Variants in SPINK5 observed in about 807,000 individuals in gnomAD.
SPINK5 encodes the protein serine protease inhibitor Kazal-type 5.
A neutral mutation model predicts 151.8 loss-of-function variants in SPINK5; 125 were observed. That is an observed-to-expected ratio of 0.82 (90% CI 0.71 to 0.96). SPINK5 has a LOEUF of 0.96. SPINK5 is among the 40% of genes least tolerant of loss of function. The probability of loss-of-function intolerance (pLI) is 0.00; values close to 1 mark genes in which losing one functional copy is unlikely to be tolerated. For synonymous variants in SPINK5, 374 were observed against 395.3 expected, an observed-to-expected ratio of 0.95 and a Z score of 0.64; for missense variants, 1,194 against 1,291.9, an observed-to-expected ratio of 0.92 and a Z score of 1.16.
At chr5:148,099,351 C>CTATAA (rs761282261) in intron 12 of SPINK5, 36 bp downstream of exon 12, 2 of 1,587,438 alleles carry the variant, frequency 1.3e-6, no homozygotes, top group East Asian at 4.5e-5. Context: ...CTATTTGGTG[C>CTATAA]TATAATTTGA....
At chr5:148,117,689 T>G (rs1754131961) in intron 22 of SPINK5, among the ~76,000 whole-genome samples, 1 of 152,004 alleles carries the variant, frequency 6.6e-6, no homozygotes, top group African/African-American at 2.4e-5. Flanking sequence ...TCAACCAAAC[T>G]TAGATAAAAA....
chr5:148,120,368 G>A lies in SPINK5; in HGVS notation c.2515G>A (p.Gly839Arg). 6.3e-7 allele frequency: 1 copy of A among 1,599,662 alleles called. No homozygotes were observed. The highest frequency in any genetic ancestry group is 1.1e-5 in the South Asian group (1 of 88,974). The change falls in exon 26 of 33, where the codon GGA becomes AGA. Residue 839 changes from glycine (G) to arginine (R), a missense_variant. Transcript: ENST00000256084. ...CAATACAGGAGAAAGGAGCAATACA[G>A]GAGAAAGGAGCAATGACAAAGAGGT... ...RSNTGERSNT[G>R]ERSNDKEDLC...
At chr5:148,123,462 T>TATCTATATA (rs1480587727) in intron 26 of SPINK5, among the ~76,000 whole-genome samples, 34 of 138,588 alleles carry the variant, frequency 2.5e-4, no homozygotes, top group South Asian at 4.4e-4. Context: ...TATAATCTTG[T>TATCTATATA]TATATATATG....
At chr5:148,097,838 ATC>A in intron 10 of SPINK5, 27 bp from the exon 11 acceptor site, 3 of 1,584,098 alleles carry the variant, frequency 1.9e-6, no homozygotes. Flanking sequence ...ACAGAACTAT[ATC>A]TCAACTTTTT....
rs192477166 is a variant in SPINK5 at position 148,116,335 on chromosome 5, C to T, written c.2016-35C>T. ...AGAAATGCACACCACTCTCTGTAAT[C>T]TATTGTTCCCTACCTCCCACTTTCT... On this transcript the variant is annotated intron_variant, in intron 21 of 32. Transcript: ENST00000256084. The T allele has an allele frequency of 2.4e-5, 38 of 1,603,914 alleles. No homozygotes were observed. The Admixed American group carries it at 6.3e-4, about 27-fold the overall frequency.
In SPINK5 at chr5:148,094,409, G is replaced by T; in HGVS notation, c.722G>T (p.Arg241Leu). Residue 241 changes from arginine (R) to leucine (L), a missense_variant, in exon 9 of 33, where the codon CGG becomes CTG. Arg to Leu is a moderately radical substitution (Grantham distance 102). Transcript: ENST00000256084. ...QVRNGRLFCT[R>L]ESDPVRGPDG... The stretch of plus-strand genomic sequence containing the variant: ...AGAAATGGAAGGCTTTTTTGTACAC[G>T]GGAGAGTGATCCAGTCCGTGGCCCT... 1 of 1,612,804 alleles carries T rather than the reference G, an allele frequency of 6.2e-7. No homozygotes were observed. The highest frequency in any genetic ancestry group is 1.1e-5 in the South Asian group (1 of 91,068).
chr5:148,094,607 C>T (rs1279702403), intron 9 of SPINK5, 126 bp downstream of exon 9: 1 of 1,488,646 alleles, frequency 6.7e-7, no homozygotes, highest in East Asian at 2.4e-5. Flanking sequence ...AGTTTTATGC[C>T]CTCCACAAAT....
At chr5:148,126,906 T>C (rs1433190344) in intron 29 of SPINK5, 77 bp from the exon 30 acceptor site, 2 of 1,266,008 alleles carry the variant, frequency 1.6e-6, no homozygotes, top group South Asian at 2.6e-5. Context: ...TCACATTTTA[T>C]GAGGATTGCT....
chr5:148,130,590 A>G (rs1439453193), intron 30 of SPINK5, among the ~76,000 whole-genome samples: 1 of 152,156 alleles, frequency 6.6e-6, no homozygotes, highest in Admixed American at 6.5e-5. Flanking sequence ...AAGAGCAAAT[A>G]TGTTTCTTCT....
In SPINK5 at chr5:148,069,196, A is replaced by G. The variant is rs183596454; in HGVS notation, c.82-1127A>G. Reference sequence around the variant, plus strand: ...AGGTAGCAGAAATGCACCATATTTTAAGCTCCTAAAAAAGAATGAGTGATG... The same window carrying G: ...AGGTAGCAGAAATGCACCATATTTTGAGCTCCTAAAAAAGAATGAGTGATG... On this transcript the variant is annotated intron_variant, in intron 2 of 32. Coordinates refer to ENST00000256084, the MANE Select transcript of SPINK5 (RefSeq NM_006846.4). Among the ~76,000 whole-genome samples, 60 of 152,084 alleles carry G rather than the reference A, an allele frequency of 3.9e-4. 1 individual carries two copies. In the East Asian group the frequency reaches 0.011, roughly 29 times the overall value.
intron 32 of SPINK5, among the ~76,000 whole-genome samples, chr5:148,136,313 C>T (rs182309996): frequency 5.9e-5 from 9 of 151,840 alleles, no homozygotes; most frequent in South Asian, 2.1e-4. Context: ...TCAGGAAAAC[C>T]GAAGCTTGCT....
rs772170188 is a variant in SPINK5 at position 148,125,809 on chromosome 5, A to G, written c.2826A>G (p.Gly942=). The G allele has an allele frequency of 1.2e-6, 2 of 1,614,226 alleles. No individual in the cohort carries two copies. Among genetic ancestry groups the G allele is most frequent in the South Asian group, 2.2e-5 (2 of 91,086 alleles). The part of the protein sequence containing the change: ...RENDPVHGAD[G]KFYTNKCYMC... ...ATGACCCAGTGCACGGTGCTGATGGAAAGTTCTATACAAACAAGTGCTACA... is the reference window on the plus strand; with the variant it reads ...ATGACCCAGTGCACGGTGCTGATGGGAAGTTCTATACAAACAAGTGCTACA... Residue 942 remains glycine, a synonymous_variant, in exon 29 of 33, where the codon GGA becomes GGG. Coordinates refer to ENST00000256084, the MANE Select transcript of SPINK5 (RefSeq NM_006846.4).
chr5:148,111,969 T>C lies in SPINK5; in HGVS notation c.1820+74T>C, dbSNP rs2287768. On this transcript the variant is annotated intron_variant, in intron 19 of 32. Transcript: ENST00000256084. Reference sequence around the variant, plus strand: ...CATCGGGTGGGCAAGAGGGGTGACATTGGAAGTTTTCTCCAGGAGATAGAT... The same window carrying C: ...CATCGGGTGGGCAAGAGGGGTGACACTGGAAGTTTTCTCCAGGAGATAGAT... 0.2 allele frequency: 318,397 copies of C among 1,609,186 alleles called. 33,473 individuals are homozygous for C. Among genetic ancestry groups the C allele is most frequent in the East Asian group, 0.3 (13,285 of 44,780 alleles).
In SPINK5 at chr5:148,114,468, G is replaced by A. The variant is rs762476510; in HGVS notation, c.1994G>A (p.Cys665Tyr). The stretch of plus-strand genomic sequence containing the variant: ...GATGGCAAGACCCATGGCAACAAGT[G>A]TGCCATGTGTAAGGCAGTCTTGTGA... The part of the protein sequence containing the change: ...GPDGKTHGNK[C>Y]AMCKAVFQKE... The change falls in exon 21 of 33, where the codon TGT becomes TAT. Residue 665 changes from cysteine to tyrosine, a missense_variant. By Grantham distance (194) the Cys-to-Tyr change is radical. Coordinates refer to ENST00000256084, the MANE Select transcript of SPINK5 (RefSeq NM_006846.4). The A allele has an allele frequency of 6.8e-6, 11 of 1,613,486 alleles. No homozygotes were observed. In the East Asian group the frequency reaches 1.8e-4, roughly 26 times the overall value.
chr5:148,075,289 G>C (rs1752848987), intron 4 of SPINK5, among the ~76,000 whole-genome samples: 1 of 151,340 alleles, frequency 6.6e-6, no homozygotes, highest in South Asian at 2.1e-4. Flanking sequence ...AATATGTGTT[G>C]CTTATTATTA....
chr5:148,088,179 T>C (rs1178626669), intron 5 of SPINK5, among the ~76,000 whole-genome samples: 5 of 151,822 alleles, frequency 3.3e-5, no homozygotes, highest in Admixed American at 2.6e-4. Flanking sequence ...TAATACAAAT[T>C]TGACTTTGTT....
intron 17 of SPINK5, among the ~76,000 whole-genome samples, chr5:148,107,588 T>C (rs1455955089): frequency 6.6e-6 from 1 of 152,192 alleles, no homozygotes; most frequent in Non-Finnish European, 1.5e-5. Flanking sequence ...ACTATTAAAA[T>C]AGCCTGAACA....
intron 3 of SPINK5, 79 bp from the exon 4 acceptor site, chr5:148,072,069 T>G (rs1752752902): frequency 5.7e-6 from 8 of 1,403,200 alleles, no homozygotes; most frequent in South Asian, 4.7e-5. Context: ...CAGTTAAAAT[T>G]AAGTTTACCA....
intron 15 of SPINK5, among the ~76,000 whole-genome samples, chr5:148,102,660 G>A (rs940127760): frequency 6.6e-6 from 1 of 152,054 alleles, no homozygotes; most frequent in African/African-American, 2.4e-5. Context: ...AACATTATCA[G>A]ATGAAATAGG....
Sources: gnomAD v4.1 joint callset for allele counts (sites outside exome capture counted in the v4.1 genomes callset) on GRCh38, gnomAD v4.1.1 for gene constraint, MANE v1.5 for transcripts, NCBI Gene and HGNC (gene_info 2026-07-23, HGNC 2026-07-21) for gene names.